Variants in ERP44 observed in about 807,000 individuals in gnomAD.
ERP44 encodes endoplasmic reticulum resident protein 44.
A neutral mutation model predicts 53.4 loss-of-function variants in ERP44; 25 were observed. The ratio of observed to expected loss-of-function variants is 0.47; its 90% CI spans 0.34 to 0.65. ERP44 has a LOEUF of 0.65. Among genes scored for constraint, ERP44 ranks in the 30% least tolerant of loss-of-function variants. The pLI is 0.01. For synonymous variants in ERP44, 145 were observed against 161.2 expected, an observed-to-expected ratio of 0.90 and a Z score of 0.76; for missense variants, 338 against 493.2, an observed-to-expected ratio of 0.69 and a Z score of 2.98.
chr9:100,012,765 C>T (rs1434582668), intron 8 of ERP44, among the ~76,000 whole-genome samples: 1 of 152,058 alleles, frequency 6.6e-6, no homozygotes, highest in Admixed American at 6.6e-5. Context: ...CTTCTGCTTC[C>T]AGAAAGATGA....
At chr9:100,002,972 T>C (rs146304248) in intron 10 of ERP44, among the ~76,000 whole-genome samples, 146 of 152,282 alleles carry the variant, frequency 9.6e-4, no homozygotes, top group African/African-American at 3.4e-3. Flanking sequence ...TGCTGTCCCA[T>C]TAATTCCATA....
rs1830154053 is a variant in ERP44 at position 99,982,101 on chromosome 9, A to G, written c.*511T>C. The G allele has an allele frequency of 6.5e-6, 1 of 152,694 alleles. No individual in the cohort carries two copies. Among genetic ancestry groups the G allele is most frequent in the Non-Finnish European group, 1.5e-5 (1 of 68,058 alleles). The allele number at this position is 152,694 out of a possible 1,614,324, so 9.5% of individuals were successfully genotyped here. On this transcript the variant is annotated 3_prime_UTR_variant, in exon 12 of 12. Transcript: ENST00000262455. ...AAAAAAATACCACTATGGAATTTTC[A>G]TAAGCAATATCCAACCAATCAGTAA...
intron 6 of ERP44, among the ~76,000 whole-genome samples, chr9:100,019,805 G>A (rs1236647604): frequency 1.3e-5 from 2 of 152,156 alleles, no homozygotes; most frequent in Admixed American, 1.3e-4. Context: ...GGAGTAAGAT[G>A]TTTAAAAGGC....
At chr9:100,055,648 G>A (rs919501801) in intron 3 of ERP44, among the ~76,000 whole-genome samples, 1 of 152,240 alleles carries the variant, frequency 6.6e-6, no homozygotes, top group African/African-American at 2.4e-5. Flanking sequence ...TGGGATTACA[G>A]GCGTGAGCCA....
At chr9:100,047,349 G>A (rs1025304080) in intron 4 of ERP44, among the ~76,000 whole-genome samples, 1 of 152,150 alleles carries the variant, frequency 6.6e-6, no homozygotes, top group Admixed American at 6.5e-5. Context: ...TAATCAAAAA[G>A]TGTGGAACTG....
intron 1 of ERP44, among the ~76,000 whole-genome samples, chr9:100,065,275 TACAAGTAGCCTAAGA>T (rs1044215681): frequency 2.6e-5 from 4 of 152,220 alleles, no homozygotes; most frequent in African/African-American, 9.6e-5. Context: ...TAACATACTA[TACAAGTAGCCTAAGA>T]GTAATAGGCT....
At chr9:100,045,716 G>C (rs1322112959) in intron 4 of ERP44, among the ~76,000 whole-genome samples, 2 of 152,116 alleles carry the variant, frequency 1.3e-5, no homozygotes, top group African/African-American at 2.4e-5. Context: ...GGGCAGGACA[G>C]AGTAGGCTAA....
intron 4 of ERP44, among the ~76,000 whole-genome samples, chr9:100,048,947 A>G (rs1404794222): frequency 6.6e-6 from 1 of 152,240 alleles, no homozygotes; most frequent in African/African-American, 2.4e-5. Context: ...GTTGCACAAC[A>G]ATGTGAATAC....
intron 8 of ERP44, among the ~76,000 whole-genome samples, chr9:100,009,263 C>T (rs1363098733): frequency 6.6e-6 from 1 of 151,666 alleles, no homozygotes; most frequent in Admixed American, 6.6e-5. Flanking sequence ...AAGTGCACAT[C>T]ACCATGCCCA....
chr9:100,002,728 T>G (rs117366401), intron 10 of ERP44, among the ~76,000 whole-genome samples: 6,002 of 151,738 alleles, frequency 0.04, 165 homozygotes, highest in Non-Finnish European at 0.046. Context: ...GCTGCTTTCA[T>G]AATCTTCTCT....
chr9:100,016,544 C>T, intron 7 of ERP44, 106 bp from the exon 8 acceptor site: 1 of 1,394,882 alleles, frequency 7.2e-7, no homozygotes, highest in South Asian at 1.6e-5. Flanking sequence ...CTCTGTCACC[C>T]AGGCTGGAGT....
intron 1 of ERP44, among the ~76,000 whole-genome samples, chr9:100,089,169 T>G (rs913650372): frequency 6.6e-6 from 1 of 152,228 alleles, no homozygotes; most frequent in Non-Finnish European, 1.5e-5. Flanking sequence ...ACTGCAGACA[T>G]AACCCGCCCC....
At chr9:99,994,555 G>A (rs975448380) in intron 10 of ERP44, among the ~76,000 whole-genome samples, 1 of 152,068 alleles carries the variant, frequency 6.6e-6, no homozygotes, top group Non-Finnish European at 1.5e-5. Flanking sequence ...TAACGTAAAT[G>A]ACGAGTTAAT....
At chr9:100,032,629 T>C (rs1021082199) in intron 4 of ERP44, among the ~76,000 whole-genome samples, 3 of 152,242 alleles carry the variant, frequency 2.0e-5, no homozygotes, top group African/African-American at 7.2e-5. Flanking sequence ...TTAATAATTA[T>C]AATTGATATG....
intron 4 of ERP44, among the ~76,000 whole-genome samples, 181 bp downstream of exon 4, chr9:100,052,236 A>T (rs893038910): frequency 1.3e-5 from 2 of 152,218 alleles, no homozygotes; most frequent in South Asian, 4.1e-4. Context: ...TAAAAATTAA[A>T]TAGTAACAAT....
chr9:99,999,039 G>A, intron 10 of ERP44: 1 of 834,804 alleles, frequency 1.2e-6, no homozygotes, highest in Non-Finnish European at 2.0e-6. Flanking sequence ...GCTCCTTGGT[G>A]AGGCCCGGGG....
intron 11 of ERP44, among the ~76,000 whole-genome samples, chr9:99,983,745 CTT>C (rs1830172098): frequency 6.6e-6 from 1 of 152,058 alleles, no homozygotes; most frequent in Non-Finnish European, 1.5e-5. Context: ...TGTCTACAAA[CTT>C]ATCATTTGAC....
intron 10 of ERP44, among the ~76,000 whole-genome samples, chr9:99,995,765 T>C (rs541455430): frequency 2.6e-5 from 4 of 152,162 alleles, no homozygotes; most frequent in Non-Finnish European, 5.9e-5. Flanking sequence ...TCTTTATCCA[T>C]TCATCTGTAG....
At chr9:100,032,420 A>C (rs995064043) in intron 4 of ERP44, among the ~76,000 whole-genome samples, 5 of 152,364 alleles carry the variant, frequency 3.3e-5, no homozygotes, top group African/African-American at 1.2e-4. Context: ...TGACCTAATT[A>C]ATCTTTTAGA....
Sources: gnomAD v4.1 joint callset for allele counts (sites outside exome capture counted in the v4.1 genomes callset) on GRCh38, gnomAD v4.1.1 for gene constraint, MANE v1.5 for transcripts, NCBI Gene and HGNC (gene_info 2026-07-23, HGNC 2026-07-21) for gene names.